The following CTNNA3 variants were observed in gnomAD, a reference collection of about 807,000 sequenced individuals.
The protein encoded by CTNNA3 is catenin alpha 3, also known as catenin alpha-3.
Under a neutral mutation model 95.7 loss-of-function variants are expected in CTNNA3, and 76 were observed. The ratio of observed to expected loss-of-function variants is 0.79; its 90% CI spans 0.66 to 0.96. The LOEUF (loss-of-function observed/expected upper bound fraction) is 0.96. Ranked by LOEUF, CTNNA3 falls within the 40% of genes least tolerant of loss-of-function variation. CTNNA3 has a pLI of 0.00. For synonymous variants in CTNNA3, 431 were observed against 374.4 expected (o/e 1.15, Z -1.74); for missense variants, 1,191 against 1,089.8 (o/e 1.09, Z -1.31).
chr10:66,858,012 A>G (rs7908546), intron 7 of CTNNA3, among the ~76,000 whole-genome samples: 88,815 of 151,878 alleles, frequency 0.58, 27,043 homozygotes, highest in African/African-American at 0.64. Context: ...TCTAGCTTTT[A>G]CCCATTCAGT....
rs745680895 is a variant in CTNNA3, at chr10:66,658,173, C to T, written c.1282-36389G>A. Among the ~76,000 whole-genome samples the T allele has an allele frequency of 5.3e-4, 80 of 152,026 alleles. 1 individual carries two copies. Among genetic ancestry groups the T allele is most frequent in the Non-Finnish European group, 9.9e-4 (67 of 67,972 alleles). On this transcript the variant is annotated intron_variant, in intron 9 of 17. Coordinates refer to ENST00000433211, the MANE Select transcript of CTNNA3 (RefSeq NM_013266.4). The stretch of plus-strand genomic sequence containing the variant: ...TAGTAACTTGTCTGGGAGACCTGGG[C>T]TTGAGTCTGATTTCCATCACTTGTC...
At chr10:66,648,817 T>A (rs562117811) in intron 9 of CTNNA3, among the ~76,000 whole-genome samples, 3 of 152,120 alleles carry the variant, frequency 2.0e-5, no homozygotes, top group Non-Finnish European at 4.4e-5. Flanking sequence ...TTTGGGTATA[T>A]ATATTACATA....
chr10:66,503,038 A>G (rs1840332432), intron 11 of CTNNA3, among the ~76,000 whole-genome samples: 1 of 152,148 alleles, frequency 6.6e-6, no homozygotes, highest in Non-Finnish European at 1.5e-5. Context: ...TATTATTGGG[A>G]CAGGTTGAAC....
intron 5 of CTNNA3, among the ~76,000 whole-genome samples, chr10:67,274,752 C>T (rs1839126004): frequency 6.6e-6 from 1 of 152,002 alleles, no homozygotes; most frequent in Non-Finnish European, 1.5e-5. Flanking sequence ...TCCTTGAGCC[C>T]AGGAGGTCAA....
chr10:66,886,321 T>A (rs1220726507), intron 7 of CTNNA3, among the ~76,000 whole-genome samples: 2 of 152,036 alleles, frequency 1.3e-5, no homozygotes, highest in Non-Finnish European at 2.9e-5. Flanking sequence ...CTAAAGAAGC[T>A]CTGGCTCCAT....
intron 9 of CTNNA3, among the ~76,000 whole-genome samples, chr10:66,727,522 A>G (rs1177865676): frequency 6.6e-6 from 1 of 152,128 alleles, no homozygotes; most frequent in Non-Finnish European, 1.5e-5. Context: ...ATACTATGAT[A>G]ATGATCATAT....
chr10:66,298,505 A>C (rs1393969218), intron 12 of CTNNA3, among the ~76,000 whole-genome samples: 2 of 152,200 alleles, frequency 1.3e-5, no homozygotes, highest in Admixed American at 1.3e-4. Flanking sequence ...ATTGCTAAAG[A>C]TGAGATAAGA....
intron 7 of CTNNA3, among the ~76,000 whole-genome samples, chr10:66,942,829 C>G (rs1848079209): frequency 6.6e-6 from 1 of 152,108 alleles, no homozygotes; most frequent in Non-Finnish European, 1.5e-5. Flanking sequence ...GAAGAAAACA[C>G]AATATCAATA....
chr10:67,620,901 A>G (rs796879927), intron 2 of CTNNA3, among the ~76,000 whole-genome samples: 1 of 102,178 alleles, frequency 9.8e-6, no homozygotes, highest in Non-Finnish European at 1.8e-5. Context: ...ATATATATGT[A>G]TATGTGTGTG....
intron 1 of CTNNA3, among the ~76,000 whole-genome samples, chr10:67,717,021 G>T (rs557326907): frequency 6.6e-6 from 1 of 152,220 alleles, no homozygotes; most frequent in South Asian, 2.1e-4. Flanking sequence ...AGTCTAACTG[G>T]TATGAGACGG....
At chr10:65,926,568 C>T (rs940231944) in intron 17 of CTNNA3, among the ~76,000 whole-genome samples, 2 of 151,776 alleles carry the variant, frequency 1.3e-5, no homozygotes, top group Admixed American at 1.3e-4. Flanking sequence ...CCTCTGCCTC[C>T]CGGGTTCAAG....
At chr10:67,699,709 G>C (rs3132085), upstream of CTNNA3, among the ~76,000 whole-genome samples, 15,546 of 152,268 alleles carry the variant, frequency 0.1, 1,194 homozygotes, top group African/African-American at 0.22. Flanking sequence ...GAAGACGGGT[G>C]ATTTCTGCAT....
At chr10:67,681,327 C>T (rs1279205171) in intron 1 of CTNNA3, among the ~76,000 whole-genome samples, 1 of 151,910 alleles carries the variant, frequency 6.6e-6, no homozygotes, top group Admixed American at 6.6e-5. Context: ...AAAATAGGAA[C>T]AAATATTAAT....
chr10:66,851,018 C>T (rs1843465022), intron 7 of CTNNA3, among the ~76,000 whole-genome samples: 1 of 152,106 alleles, frequency 6.6e-6, no homozygotes, highest in African/African-American at 2.4e-5. Flanking sequence ...CTACCAAAAA[C>T]TTTGCATGAC....
intron 3 of CTNNA3, among the ~76,000 whole-genome samples, chr10:67,558,850 C>T (rs1469332357): frequency 2.6e-5 from 4 of 152,178 alleles, no homozygotes; most frequent in South Asian, 2.1e-4. Flanking sequence ...GCACATGGCT[C>T]GGAGGGTCCT....
chr10:66,087,820 G>A (rs917955526), intron 14 of CTNNA3, among the ~76,000 whole-genome samples: 6 of 151,970 alleles, frequency 3.9e-5, no homozygotes, highest in African/African-American at 1.4e-4. Flanking sequence ...TGAACTTCAG[G>A]GCATTAGACT....
At chr10:66,940,957 T>A (rs967333068) in intron 7 of CTNNA3, among the ~76,000 whole-genome samples, 3 of 152,290 alleles carry the variant, frequency 2.0e-5, no homozygotes, top group African/African-American at 7.2e-5. Context: ...TGTAAAAAAA[T>A]GCAACTGAGT....
intron 7 of CTNNA3, among the ~76,000 whole-genome samples, chr10:67,080,779 G>T (rs1857008433): frequency 6.6e-6 from 1 of 151,868 alleles, no homozygotes; most frequent in African/African-American, 2.4e-5. Flanking sequence ...CGTGGTGGCG[G>T]GCGCCTGTGG....
chr10:67,559,385 G>A (rs1179410339), intron 3 of CTNNA3, among the ~76,000 whole-genome samples: 2 of 152,214 alleles, frequency 1.3e-5, no homozygotes, highest in African/African-American at 2.4e-5. Flanking sequence ...AACAGGGTCT[G>A]GAGTGGACCT....
Sources: gnomAD v4.1 joint callset for allele counts (sites outside exome capture counted in the v4.1 genomes callset) on GRCh38, gnomAD v4.1.1 for gene constraint, MANE v1.5 for transcripts, NCBI Gene and HGNC (gene_info 2026-07-23, HGNC 2026-07-21) for gene names.